Variants in C10orf143 observed in about 807,000 individuals in gnomAD.
The protein encoded by C10orf143 is uncharacterized protein C10orf143.
At chr10:130,077,178 C>T (rs985393040) in intron 3 of C10orf143, among the ~76,000 whole-genome samples, 1 of 151,898 alleles carries the variant, frequency 6.6e-6, no homozygotes, top group Non-Finnish European at 1.5e-5. Context: ...AGAAATAGAC[C>T]GAAATGCAAA....
At chr10:130,035,640 C>A (rs1404966433) in intron 4 of C10orf143, among the ~76,000 whole-genome samples, 2 of 149,688 alleles carry the variant, frequency 1.3e-5, no homozygotes, top group African/African-American at 2.5e-5. Context: ...TCCTCCCTAT[C>A]CTCTAGGGTG....
At chr10:130,085,841 T>C (rs1055506583) in intron 1 of C10orf143, among the ~76,000 whole-genome samples, 2 of 152,168 alleles carry the variant, frequency 1.3e-5, no homozygotes, top group African/African-American at 4.8e-5. Context: ...TAAACCAAAT[T>C]GCCTTCTCAC....
chr10:130,071,478 C>A (rs552127479), intron 3 of C10orf143, among the ~76,000 whole-genome samples: 1 of 152,150 alleles, frequency 6.6e-6, no homozygotes, highest in Non-Finnish European at 1.5e-5. Context: ...ATATACTTTG[C>A]CCATTTATTT....
At chr10:130,073,613 C>CTG in intron 3 of C10orf143, among the ~76,000 whole-genome samples, 1 of 147,030 alleles carries the variant, frequency 6.8e-6, no homozygotes, top group Non-Finnish European at 1.5e-5. Context: ...ACGTGATCAG[C>CTG]TGTGTGTTTT....
chr10:130,076,213 TG>T (rs975008898), intron 3 of C10orf143, among the ~76,000 whole-genome samples: 20 of 151,704 alleles, frequency 1.3e-4, no homozygotes, highest in Admixed American at 1.2e-3. Flanking sequence ...GAGGAGGAGG[TG>T]GACCTCGCAA....
intron 1 of C10orf143, among the ~76,000 whole-genome samples, chr10:130,099,510 T>TTTTATTTATTTATTTA (rs140538908): frequency 2.7e-5 from 4 of 148,548 alleles, no homozygotes; most frequent in African/African-American, 1.0e-4. Context: ...CTTCTTTTAT[T>TTTTATTTATTTATTTA]TTTATTTATT....
chr10:130,058,624 A>G (rs1431178202), intron 3 of C10orf143, among the ~76,000 whole-genome samples: 1 of 150,668 alleles, frequency 6.6e-6, no homozygotes, highest in Non-Finnish European at 1.5e-5. Flanking sequence ...ACAGTTACAC[A>G]TAGAAACAGT....
chr10:130,040,668 A>G (rs1415602805), intron 3 of C10orf143, among the ~76,000 whole-genome samples: 1 of 152,186 alleles, frequency 6.6e-6, no homozygotes, highest in Non-Finnish European at 1.5e-5. Context: ...TCCTGTCTCT[A>G]CTAAAAATAC....
intron 1 of C10orf143, among the ~76,000 whole-genome samples, chr10:130,086,416 C>A (rs777110729): frequency 2.1e-4 from 32 of 152,208 alleles, no homozygotes; most frequent in Admixed American, 1.3e-4. Context: ...TATATTCAAT[C>A]CTTATTCTGC....
At chr10:130,044,584 G>A (rs559978498) in intron 3 of C10orf143, among the ~76,000 whole-genome samples, 25 of 152,298 alleles carry the variant, frequency 1.6e-4, no homozygotes, top group African/African-American at 5.3e-4. Context: ...AAGGCATCAC[G>A]CTGGGCTACA....
At chr10:130,070,637 A>T (rs1338481058) in intron 3 of C10orf143, among the ~76,000 whole-genome samples, 1 of 152,200 alleles carries the variant, frequency 6.6e-6, no homozygotes, top group Non-Finnish European at 1.5e-5. Flanking sequence ...CAGTAGAAAT[A>T]ACGCCCTTAT....
chr10:130,056,411 A>G lies in C10orf143; in HGVS notation c.298-20441T>C, dbSNP rs1860795965. Among the ~76,000 whole-genome samples, 1 of 152,122 alleles carries G rather than the reference A, an allele frequency of 6.6e-6. No individual in the cohort carries two copies. Among genetic ancestry groups the G allele is most frequent in the East Asian group, 1.9e-4 (1 of 5,186 alleles). ...GGGCTCAACAGCAAGGGTCATGCTG[A>G]GTCAAGCGTTCAGTGAATACCCCAG... On this transcript the variant is annotated intron_variant and NMD_transcript_variant, in intron 3 of 5. Transcript: ENST00000643056. This position sits in a 1 kb window ranked among gnomAD's most constrained non-coding sequence, Gnocchi z 4.6.
chr10:130,104,000 T>C (rs1861599667), intron 1 of C10orf143: 1 of 152,156 alleles, frequency 6.6e-6, no homozygotes, highest in Non-Finnish European at 1.5e-5. Context: ...TAAGTGGACA[T>C]GAATCTTTAG....
chr10:130,106,904 G>C, intron 1 of C10orf143: 1 of 1,033,874 alleles, frequency 9.7e-7, no homozygotes. Flanking sequence ...AGACGTAACG[G>C]ATGATGATAA....
chr10:130,044,864 C>CATTA (rs1860648287), intron 3 of C10orf143, among the ~76,000 whole-genome samples: 1 of 152,114 alleles, frequency 6.6e-6, no homozygotes, highest in Non-Finnish European at 1.5e-5. Context: ...ACAGAGAGGC[C>CATTA]ATTACTACCA....
intron 3 of C10orf143, chr10:130,066,986 T>C (rs1860946834): frequency 6.6e-6 from 1 of 152,188 alleles, no homozygotes; most frequent in Non-Finnish European, 1.5e-5. Flanking sequence ...CCACTTTTGG[T>C]AAAACACAAT....
intron 1 of C10orf143, among the ~76,000 whole-genome samples, chr10:130,095,595 T>C (rs1016858829): frequency 2.0e-5 from 3 of 151,994 alleles, no homozygotes; most frequent in African/African-American, 7.2e-5. Flanking sequence ...AAAACAGACA[T>C]ACAGACCAAT....
chr10:130,083,673 A>T (rs1861243429), intron 1 of C10orf143, among the ~76,000 whole-genome samples: 1 of 152,222 alleles, frequency 6.6e-6, no homozygotes, highest in African/African-American at 2.4e-5. Context: ...TCCTTTGTGT[A>T]AGAAAGAAGG....
At chr10:130,075,878 G>A (rs530549588) in intron 3 of C10orf143, among the ~76,000 whole-genome samples, 1 of 152,118 alleles carries the variant, frequency 6.6e-6, no homozygotes, top group Admixed American at 6.5e-5. Flanking sequence ...TCCCAGCCAT[G>A]CTTCCTGTAC....
Sources: gnomAD v4.1 joint callset for allele counts (sites outside exome capture counted in the v4.1 genomes callset) on GRCh38, gnomAD v4.1.1 for gene constraint, Gnocchi (gnomAD v3.1) non-coding constraint, MANE v1.5 for transcripts, NCBI Gene and HGNC (gene_info 2026-07-23, HGNC 2026-07-21) for gene names.